The following KATNAL2 variants were observed in gnomAD, a reference collection of about 807,000 sequenced individuals.
KATNAL2 encodes the protein katanin p60 ATPase-containing subunit A-like 2.
KATNAL2 carries 52 observed loss-of-function variants against 76.3 expected under a neutral mutation model. The ratio of observed to expected loss-of-function variants is 0.68; its 90% CI spans 0.55 to 0.86. The LOEUF is 0.86. Ranked by LOEUF, KATNAL2 falls within the 40% of genes least tolerant of loss-of-function variation. KATNAL2 has a pLI of 0.00. For missense variants in KATNAL2, 660 were observed against 668.9 expected (o/e 0.99, Z 0.15); for synonymous variants, 243 against 244.2 (o/e 1.00, Z 0.05).
chr18:47,098,969 CT>C (rs2063362757), intron 15 of KATNAL2: 2 of 324,118 alleles, frequency 6.2e-6, no homozygotes, highest in African/African-American at 2.1e-5. Context: ...AGAATGTGCT[CT>C]TTTCCTTTTC....
intron 3 of KATNAL2, among the ~76,000 whole-genome samples, chr18:46,951,112 C>T (rs1406606046): frequency 6.6e-6 from 1 of 152,128 alleles, no homozygotes; most frequent in Non-Finnish European, 1.5e-5. Flanking sequence ...TATGTATTTC[C>T]CTTCCCTCAT....
chr18:47,051,011 T>C (rs1208382342), intron 4 of KATNAL2, among the ~76,000 whole-genome samples: 1 of 152,156 alleles, frequency 6.6e-6, no homozygotes, highest in Non-Finnish European at 1.5e-5. Flanking sequence ...GTTCTTCTAT[T>C]AATAGTCCTC....
intron 3 of KATNAL2, among the ~76,000 whole-genome samples, chr18:46,960,877 G>C (rs537585365): frequency 6.6e-6 from 1 of 152,168 alleles, no homozygotes; most frequent in Non-Finnish European, 1.5e-5. Context: ...CTCAGACACC[G>C]GGTTAAAGAA....
chr18:46,926,831 AT>A (rs1471783586), intron 1 of KATNAL2, among the ~76,000 whole-genome samples: 1 of 152,086 alleles, frequency 6.6e-6, no homozygotes, highest in African/African-American at 2.4e-5. Flanking sequence ...TCCCTTTACC[AT>A]TATGTAATGG....
At chr18:47,056,249 C>G (rs1042509344) in intron 6 of KATNAL2, among the ~76,000 whole-genome samples, 2 of 152,152 alleles carry the variant, frequency 1.3e-5, no homozygotes, top group African/African-American at 4.8e-5. Context: ...ACAAATAGCT[C>G]CTCCATTACA....
At position 47,088,511 on chromosome 18, in the gene KATNAL2, T is replaced by C. The variant is rs548729833; in HGVS notation, c.1212-10732T>C. Among the ~76,000 whole-genome samples, 7 of 152,330 alleles carry C rather than the reference T, an allele frequency of 4.6e-5. No individual in the cohort carries two copies. In the South Asian group the frequency reaches 1.5e-3, roughly 32 times the overall value. ...CAGGGGAGTCTATTTCTGTTGTTAG[T>C]TTTTTTCTGCCAGGTCTCATTTATA... On this transcript the variant is annotated intron_variant, in intron 15 of 17. Coordinates refer to ENST00000683218, the MANE Select transcript of KATNAL2 (RefSeq NM_001387690.1).
At chr18:46,919,749 T>G (rs1314860178) in intron 1 of KATNAL2, among the ~76,000 whole-genome samples, 1 of 152,226 alleles carries the variant, frequency 6.6e-6, no homozygotes, top group Admixed American at 6.5e-5. Context: ...GGCCTTGTAT[T>G]TGTTTAATGA....
At chr18:47,079,539 C>T (rs1018100030) in intron 15 of KATNAL2, among the ~76,000 whole-genome samples, 4 of 151,994 alleles carry the variant, frequency 2.6e-5, no homozygotes, top group Non-Finnish European at 2.9e-5. Context: ...GGACTACAGG[C>T]GCCTGCCACC....
intron 3 of KATNAL2, among the ~76,000 whole-genome samples, chr18:46,960,283 T>C (rs955334389): frequency 4.0e-5 from 6 of 151,876 alleles, no homozygotes; most frequent in Admixed American, 3.9e-4. Context: ...ACTAAAAATA[T>C]AAAAAATTAG....
intron 3 of KATNAL2, chr18:47,034,767 G>C (rs771252038): frequency 6.2e-7 from 1 of 1,612,644 alleles, no homozygotes; most frequent in Non-Finnish European, 8.5e-7. Context: ...CCCGATAGCG[G>C]CCGGAATCAG....
chr18:47,088,599 AG>A (rs550342335), intron 15 of KATNAL2, among the ~76,000 whole-genome samples: 9 of 151,886 alleles, frequency 5.9e-5, no homozygotes, highest in Non-Finnish European at 1.2e-4. Flanking sequence ...CATTTTTGAG[AG>A]GGGGGTCTCA....
At position 47,035,245 on chromosome 18, in the gene KATNAL2, G is replaced by A. The variant is rs572647337; in HGVS notation, c.52-11212G>A. On this transcript the variant is annotated intron_variant, in intron 3 of 17. Coordinates refer to ENST00000683218, the MANE Select transcript of KATNAL2 (RefSeq NM_001387690.1). The stretch of plus-strand genomic sequence containing the variant: ...CTGCAGCTTCTCCACTGCGTGCAGC[G>A]TAGTGGACCCTGCCGCCATCTCACC... The A allele has an allele frequency of 5.0e-6, 8 of 1,612,684 alleles. No individual in the cohort carries two copies. In the Admixed American group the frequency reaches 5.0e-5, roughly 10 times the overall value.
chr18:47,034,256 T>C, intron 3 of KATNAL2: 1 of 1,613,938 alleles, frequency 6.2e-7, no homozygotes, highest in African/African-American at 1.3e-5. Context: ...AGCTGCTCTT[T>C]CTCCTCGGGC....
intron 13 of KATNAL2, among the ~76,000 whole-genome samples, chr18:47,070,118 C>T (rs1330805388): frequency 1.5e-4 from 18 of 117,026 alleles, no homozygotes; most frequent in African/African-American, 3.9e-4. Flanking sequence ...TTTTTTTAGA[C>T]GAAGTCTCGC....
At chr18:46,960,534 G>A (rs1397322199) in intron 3 of KATNAL2, among the ~76,000 whole-genome samples, 1 of 152,128 alleles carries the variant, frequency 6.6e-6, no homozygotes, top group Non-Finnish European at 1.5e-5. Context: ...TCAGAGAGGA[G>A]GAGCTATGCA....
At chr18:46,932,100 A>G (rs924348958) in intron 1 of KATNAL2, among the ~76,000 whole-genome samples, 54 of 151,828 alleles carry the variant, frequency 3.6e-4, no homozygotes, top group African/African-American at 1.2e-3. Flanking sequence ...TTTAGTAGAG[A>G]CAGGGTTTCA....
chr18:46,948,568 GCATGTGCCAC>G (rs2059452715), intron 3 of KATNAL2, among the ~76,000 whole-genome samples: 1 of 150,060 alleles, frequency 6.7e-6, no homozygotes, highest in Non-Finnish European at 1.5e-5. Flanking sequence ...GGGATTACAG[GCATGTGCCAC>G]CATGCCCAGC....
intron 3 of KATNAL2, chr18:47,032,781 C>T (rs2060535180): frequency 1.3e-6 from 1 of 766,080 alleles, no homozygotes; most frequent in Non-Finnish European, 2.1e-6. Context: ...CCAATGCGTT[C>T]ATATCTTCTG....
intron 3 of KATNAL2, among the ~76,000 whole-genome samples, chr18:47,036,030 G>A (rs879919235): frequency 2.6e-5 from 4 of 152,192 alleles, no homozygotes; most frequent in Non-Finnish European, 4.4e-5. Context: ...AGTAGTTCGA[G>A]CACTGTCTTG....
Sources: gnomAD v4.1 joint callset for allele counts (sites outside exome capture counted in the v4.1 genomes callset) on GRCh38, gnomAD v4.1.1 for gene constraint, MANE v1.5 for transcripts, NCBI Gene and HGNC (gene_info 2026-07-23, HGNC 2026-07-21) for gene names.